The following KCNMB2 variants were observed in gnomAD, a reference collection of about 807,000 sequenced individuals.
KCNMB2 encodes potassium calcium-activated channel subfamily M regulatory beta subunit 2.
Under a neutral mutation model 24.5 loss-of-function variants are expected in KCNMB2, and 9 were observed. That is an observed-to-expected ratio of 0.37 (90% CI 0.22 to 0.64). The LOEUF is 0.64. KCNMB2 is among the 30% of genes least tolerant of loss of function. The probability of loss-of-function intolerance (pLI) is 0.63; values close to 1 mark genes in which losing one functional copy is unlikely to be tolerated. For synonymous variants in KCNMB2, 109 were observed against 104.4 expected (o/e 1.04, Z -0.27); for missense variants, 226 against 284.3 (o/e 0.79, Z 1.47).
chr3:178,716,149 T>C (rs1434449785), intron 1 of KCNMB2, among the ~76,000 whole-genome samples: 1 of 152,240 alleles, frequency 6.6e-6, no homozygotes, highest in East Asian at 1.9e-4. Context: ...TTTGATCACA[T>C]ACCCGCTAAC....
At chr3:178,832,054 C>T (rs1269679812) in intron 4 of KCNMB2, among the ~76,000 whole-genome samples, 1 of 152,118 alleles carries the variant, frequency 6.6e-6, no homozygotes, top group Non-Finnish European at 1.5e-5. Context: ...TGTTAATTTA[C>T]ATGGATCCAC....
chr3:178,645,119 C>T (rs555096524), intron 1 of KCNMB2, among the ~76,000 whole-genome samples: 70 of 143,284 alleles, frequency 4.9e-4, no homozygotes, highest in Non-Finnish European at 9.0e-4. Context: ...GGCGCAATCT[C>T]GGCTCACAAC....
intron 1 of KCNMB2, among the ~76,000 whole-genome samples, chr3:178,617,364 C>G (rs1322575771): frequency 6.6e-6 from 1 of 150,874 alleles, no homozygotes; most frequent in East Asian, 2.0e-4. Context: ...CGAGACCATC[C>G]TGGCTAACAT....
At chr3:178,660,642 A>G (rs1720492955) in intron 1 of KCNMB2, among the ~76,000 whole-genome samples, 1 of 147,856 alleles carries the variant, frequency 6.8e-6, no homozygotes, top group South Asian at 2.2e-4. Flanking sequence ...CATAATCACT[A>G]ATCTTCCAAG....
chr3:178,666,487 G>T (rs1720722379), intron 1 of KCNMB2, among the ~76,000 whole-genome samples: 3 of 152,130 alleles, frequency 2.0e-5, no homozygotes, highest in African/African-American at 7.2e-5. Context: ...CAATCCAGAG[G>T]AAGGGTGTAC....
intron 1 of KCNMB2, among the ~76,000 whole-genome samples, chr3:178,719,404 C>T (rs1179052663): frequency 6.6e-6 from 1 of 152,232 alleles, no homozygotes; most frequent in Non-Finnish European, 1.5e-5. Flanking sequence ...CTAGGAATGG[C>T]CTGGCTTTAT....
At chr3:178,743,746 T>C (rs749312564) in intron 1 of KCNMB2, among the ~76,000 whole-genome samples, 5 of 152,230 alleles carry the variant, frequency 3.3e-5, no homozygotes, top group Non-Finnish European at 5.9e-5. Flanking sequence ...GGTTGACTTT[T>C]CATTTACTTC....
At chr3:178,562,019 A>G (rs2108465377) in intron 1 of KCNMB2, among the ~76,000 whole-genome samples, 1 of 152,350 alleles carries the variant, frequency 6.6e-6, no homozygotes, top group South Asian at 2.1e-4. Flanking sequence ...GACTTACTGT[A>G]CTTACAATTA....
At chr3:178,660,991 A>AT (rs1720506018) in intron 1 of KCNMB2, among the ~76,000 whole-genome samples, 3 of 65,448 alleles carry the variant, frequency 4.6e-5, no homozygotes, top group Non-Finnish European at 8.0e-5. Context: ...ATACATATAT[A>AT]TATATTATTA....
chr3:178,685,568 A>G (rs1333258729), intron 1 of KCNMB2, among the ~76,000 whole-genome samples: 1 of 152,204 alleles, frequency 6.6e-6, no homozygotes, highest in Non-Finnish European at 1.5e-5. Flanking sequence ...TTCTGTTTTT[A>G]TATTTAGGAA....
chr3:178,828,365 A>G lies in KCNMB2; in HGVS notation c.415A>G (p.Asn139Asp), dbSNP rs1283490747. The change falls in exon 4 of 5, where the codon AAT becomes GAT. Residue 139 changes from asparagine to aspartate, a missense_variant. Asn to Asp is a conservative substitution (Grantham distance 23). Coordinates refer to ENST00000452583, the MANE Select transcript of KCNMB2 (RefSeq NM_181361.3). Reference protein sequence around the residue: ...LYHTEETIKINQKCSYIPKCG... With the variant: ...LYHTEETIKIDQKCSYIPKCG... The stretch of plus-strand genomic sequence containing the variant: ...CCACACAGAAGAGACAATAAAAATC[A>G]ATCAGAAGGTAGGAACTTGGCGTAC... 1 of 1,612,808 alleles carries G rather than the reference A, an allele frequency of 6.2e-7. No homozygotes were observed. The highest frequency in any genetic ancestry group is 1.7e-5 in the Admixed American group (1 of 59,902).
chr3:178,706,086 G>A (rs752518084), intron 1 of KCNMB2, among the ~76,000 whole-genome samples: 4 of 152,026 alleles, frequency 2.6e-5, no homozygotes, highest in Non-Finnish European at 5.9e-5. Context: ...GCCCAAGGCT[G>A]AACATGAATA....
intron 1 of KCNMB2, among the ~76,000 whole-genome samples, chr3:178,763,049 A>T (rs1458700098): frequency 1.3e-5 from 2 of 152,164 alleles, no homozygotes; most frequent in Non-Finnish European, 2.9e-5. Context: ...AATTAAAGGC[A>T]TGGAACTAGA....
Position 178,759,701 on chromosome 3 carries a change from T to C in KCNMB2, c.-67-47642T>C, listed in dbSNP as rs1166785331. Among the ~76,000 whole-genome samples the C allele has an allele frequency of 7.6e-5, 9 of 117,984 alleles. 1 individual carries two copies. In the South Asian group the frequency reaches 2.1e-3, roughly 27 times the overall value. 77.4% of individuals were successfully genotyped at this position (117,984 alleles called of 152,430 possible). A position where few individuals can be genotyped will look rare whatever the true frequency, so the allele number is the denominator to read the frequency against. ...ATATCCAAGAGGATATATATACACA[T>C]ATATATATCCAAGAGGATATATATA... On this transcript the variant is annotated intron_variant, in intron 1 of 4. Transcript: ENST00000452583.
chr3:178,811,818 T>C (rs1325127420), intron 2 of KCNMB2, among the ~76,000 whole-genome samples: 1 of 152,220 alleles, frequency 6.6e-6, no homozygotes, highest in Non-Finnish European at 1.5e-5. Context: ...GAGATTCCCA[T>C]TGCTCAACAG....
chr3:178,708,739 AT>A (rs1181827095), intron 1 of KCNMB2, among the ~76,000 whole-genome samples: 1 of 152,150 alleles, frequency 6.6e-6, no homozygotes, highest in East Asian at 1.9e-4. Flanking sequence ...AATTCCTATT[AT>A]TATTCCCTTT....
intron 1 of KCNMB2, among the ~76,000 whole-genome samples, chr3:178,716,359 T>C (rs1026429956): frequency 6.6e-6 from 1 of 152,054 alleles, no homozygotes; most frequent in Non-Finnish European, 1.5e-5. Context: ...TCCCATTCAA[T>C]TGAGAGAAAA....
chr3:178,654,238 G>C (rs1290311472), intron 1 of KCNMB2, among the ~76,000 whole-genome samples: 2 of 151,948 alleles, frequency 1.3e-5, no homozygotes, highest in Non-Finnish European at 2.9e-5. Flanking sequence ...TTAAAAATTA[G>C]CCTTGCCATA....
Position 178,706,756 on chromosome 3 carries a change from C to T in KCNMB2, c.-67-100587C>T, listed in dbSNP as rs558862703. Among the ~76,000 whole-genome samples, 28 of 152,190 alleles carry T rather than the reference C, an allele frequency of 1.8e-4. No homozygotes were observed. In the South Asian group the frequency reaches 4.8e-3, roughly 26 times the overall value. ...CCAAATCCCCAGTTTTTTGCAAGTGCGCATTATAGTCCACACCAATGTTTC... is the reference window on the plus strand; with the variant it reads ...CCAAATCCCCAGTTTTTTGCAAGTGTGCATTATAGTCCACACCAATGTTTC... On this transcript the variant is annotated intron_variant, in intron 1 of 4. Transcript: ENST00000452583.
Sources: allele counts gnomAD v4.1 joint callset (sites outside exome capture counted in the v4.1 genomes callset), GRCh38; gene constraint gnomAD v4.1.1; transcripts MANE v1.5; gene names NCBI Gene and HGNC (gene_info 2026-07-23, HGNC 2026-07-21).